The following NBAS variants were observed in gnomAD, a reference collection of about 807,000 sequenced individuals.
The protein encoded by NBAS is NAG/BC035112 fusion.
NBAS carries 219 observed loss-of-function variants against 302.5 expected under a neutral mutation model. The observed-to-expected ratio is 0.72, with a 90% CI of 0.65 to 0.81. The LOEUF (loss-of-function observed/expected upper bound fraction) is 0.81, where lower values mean the gene tolerates loss of function less well. Ranked by LOEUF, NBAS falls within the 30% of genes least tolerant of loss-of-function variation. The pLI is 0.00. For missense variants in NBAS, 2,932 were observed against 2,841.6 expected (o/e 1.03, Z -0.72); for synonymous variants, 1,118 against 1,021.6 (o/e 1.09, Z -1.80).
chr2:15,480,751 G>A (rs1411338874), intron 12 of NBAS, among the ~76,000 whole-genome samples: 1 of 152,182 alleles, frequency 6.6e-6, no homozygotes, highest in African/African-American at 2.4e-5. Flanking sequence ...CAGGTCAGCA[G>A]GTTTTAATTA....
chr2:14,943,629 T>C, the NBAS span, among the ~76,000 whole-genome samples: 1 of 152,198 alleles, frequency 6.6e-6, no homozygotes, highest in Non-Finnish European at 1.5e-5. Flanking sequence ...TTAATAACCC[T>C]TACCCTTGTT....
At chr2:15,048,069 G>A in the NBAS span, among the ~76,000 whole-genome samples, 1 of 152,242 alleles carries the variant, frequency 6.6e-6, no homozygotes, top group East Asian at 1.9e-4. Context: ...CTGCCCAGCA[G>A]TGGGGAAACA....
the NBAS span, among the ~76,000 whole-genome samples, chr2:14,782,285 A>C: frequency 7.9e-5 from 12 of 152,296 alleles, no homozygotes; most frequent in Admixed American, 3.3e-4. Context: ...CCCCATTAAA[A>C]AAATGGGCAA....
the NBAS span, among the ~76,000 whole-genome samples, chr2:15,054,390 G>A: frequency 2.6e-5 from 4 of 152,194 alleles, no homozygotes; most frequent in African/African-American, 9.7e-5. Flanking sequence ...TGTGGCTTGG[G>A]AGGGCACTGA....
At chr2:15,500,259 C>T (rs1295785250) in intron 11 of NBAS, among the ~76,000 whole-genome samples, 1 of 151,928 alleles carries the variant, frequency 6.6e-6, no homozygotes, top group East Asian at 1.9e-4. Context: ...TGCATACATT[C>T]GAAACATTCT....
At chr2:15,248,723 G>C (rs1435001748) in intron 44 of NBAS, among the ~76,000 whole-genome samples, 3 of 152,104 alleles carry the variant, frequency 2.0e-5, no homozygotes, top group Non-Finnish European at 4.4e-5. Flanking sequence ...AGAAGAAATG[G>C]ATAAATTCCT....
chr2:15,488,002 C>CAG (rs1240214658), intron 12 of NBAS, among the ~76,000 whole-genome samples: 1 of 152,106 alleles, frequency 6.6e-6, no homozygotes, highest in African/African-American at 2.4e-5. Context: ...GAAGAAAATA[C>CAG]AGAGTCACTT....
chr2:14,921,617 C>T, the NBAS span, among the ~76,000 whole-genome samples: 3 of 152,172 alleles, frequency 2.0e-5, no homozygotes, highest in South Asian at 6.2e-4. Context: ...GCTCCTGAAG[C>T]ATGAGGTGCC....
the NBAS span, among the ~76,000 whole-genome samples, chr2:15,092,988 G>A: frequency 4.6e-5 from 7 of 152,162 alleles, no homozygotes; most frequent in African/African-American, 1.7e-4. Flanking sequence ...GTTCCTGGGG[G>A]TTAAAGTTAC....
chr2:15,373,284 G>A (rs549370708), intron 31 of NBAS, among the ~76,000 whole-genome samples: 2 of 152,228 alleles, frequency 1.3e-5, no homozygotes, highest in East Asian at 3.9e-4. Context: ...CGTACAAATT[G>A]TTTCCAAACA....
At chr2:15,109,829 T>C in the NBAS span, among the ~76,000 whole-genome samples, 1 of 152,098 alleles carries the variant, frequency 6.6e-6, no homozygotes, top group East Asian at 1.9e-4. Flanking sequence ...AACATATGAA[T>C]TGTGGATGGG....
intron 6 of NBAS, among the ~76,000 whole-genome samples, chr2:15,543,411 T>C (rs10197407): frequency 6.6e-6 from 1 of 152,160 alleles, no homozygotes; most frequent in Non-Finnish European, 1.5e-5. Context: ...AGTCCAATGA[T>C]TTCATGTCCT....
chr2:15,497,689 G>C (rs1007387522), intron 11 of NBAS, among the ~76,000 whole-genome samples: 10 of 152,162 alleles, frequency 6.6e-5, no homozygotes, highest in African/African-American at 2.4e-4. Context: ...CTGGGCTACA[G>C]ATGCCAGTTT....
rs200365734 is a variant in NBAS at position 15,190,405 on chromosome 2, T to C, written c.6433-2A>G. 3.7e-6 allele frequency: 6 copies of C among 1,613,750 alleles called. No homozygotes were observed. The African/African-American group carries it at 5.3e-5, about 14-fold the overall frequency. On this transcript the variant is annotated splice_acceptor_variant, in intron 48 of 51. Transcript: ENST00000281513. LOFTEE classifies it high-confidence loss of function. ...ATTCTCAATGTCAGCTATGTCTACC[T>C]GGAAGAAGAAATACACACTTAAAGC...
At chr2:15,298,161 A>C (rs920020207) in intron 40 of NBAS, among the ~76,000 whole-genome samples, 1 of 152,210 alleles carries the variant, frequency 6.6e-6, no homozygotes, top group Non-Finnish European at 1.5e-5. Flanking sequence ...CCTGAGTGAC[A>C]TAGTGAGACC....
At chr2:15,121,050 A>G in the NBAS span, among the ~76,000 whole-genome samples, 1 of 152,146 alleles carries the variant, frequency 6.6e-6, no homozygotes, top group East Asian at 1.9e-4. Context: ...TTTGCTCAAT[A>G]TCGAATTCAT....
chr2:15,428,438 A>G (rs1677586624), intron 21 of NBAS, among the ~76,000 whole-genome samples: 1 of 152,234 alleles, frequency 6.6e-6, no homozygotes, highest in African/African-American at 2.4e-5. Context: ...AACAACAGAA[A>G]GAAAATCTAG....
At chr2:15,039,617 T>A in the NBAS span, among the ~76,000 whole-genome samples, 1 of 151,670 alleles carries the variant, frequency 6.6e-6, no homozygotes, top group South Asian at 2.1e-4. Context: ...AGGTGAGGGG[T>A]TTCCGTAAAG....
chr2:15,248,964 A>G (rs1430387331), intron 44 of NBAS, among the ~76,000 whole-genome samples: 2 of 152,174 alleles, frequency 1.3e-5, no homozygotes, highest in Non-Finnish European at 2.9e-5. Context: ...TTATGAGGTC[A>G]GCATCATCCT....
Sources: allele counts gnomAD v4.1 joint callset (sites outside exome capture counted in the v4.1 genomes callset), GRCh38; gene constraint gnomAD v4.1.1; transcripts MANE v1.5; gene names NCBI Gene and HGNC (gene_info 2026-07-23, HGNC 2026-07-21).